TRMT11: variants seen among roughly 807,000 people sequenced by gnomAD.
The protein encoded by TRMT11 is tRNA methyltransferase 11, also known as tRNA (guanine(10)-N(2))-methyltransferase TRMT11.
Under a neutral mutation model 62.8 loss-of-function variants are expected in TRMT11, and 53 were observed. The observed-to-expected ratio is 0.84, with a 90% CI of 0.68 to 1.06. TRMT11 has a LOEUF of 1.06. Among genes scored for constraint, TRMT11 ranks in the 50% least tolerant of loss-of-function variants. The pLI is 0.00. For missense variants in TRMT11, 556 were observed against 553.4 expected, an observed-to-expected ratio of 1.00 and a Z score of -0.05; for synonymous variants, 188 against 190.3, an observed-to-expected ratio of 0.99 and a Z score of 0.10.
intron 17 of TRMT11, among the ~76,000 whole-genome samples, chr6:126,101,332 C>A (rs533802775): frequency 1.3e-5 from 2 of 152,106 alleles, no homozygotes; most frequent in African/African-American, 4.8e-5. Flanking sequence ...ATATATATTC[C>A]ACTTGCAAAA....
At chr6:126,042,551 TG>T (rs997911407), downstream of TRMT11, among the ~76,000 whole-genome samples, 2 of 152,346 alleles carry the variant, frequency 1.3e-5, no homozygotes, top group African/African-American at 4.8e-5. Flanking sequence ...AGTATATTTT[TG>T]TTTTAAAATT....
At chr6:126,174,485 T>C (rs766538653), upstream of TRMT11, among the ~76,000 whole-genome samples, 1 of 152,222 alleles carries the variant, frequency 6.6e-6, no homozygotes, top group African/African-American at 2.4e-5. Flanking sequence ...AAAATGTTGA[T>C]GCTTCTCTCA....
intron 16 of TRMT11, among the ~76,000 whole-genome samples, chr6:126,051,634 A>G (rs1776221187): frequency 6.6e-6 from 1 of 152,136 alleles, no homozygotes; most frequent in Non-Finnish European, 1.5e-5. Context: ...CAATGGAGAA[A>G]TATTTAGAAG....
chr6:126,209,682 CAT>C, the TRMT11 span, among the ~76,000 whole-genome samples: 7 of 151,986 alleles, frequency 4.6e-5, no homozygotes, highest in African/African-American at 7.3e-5. Flanking sequence ...GCTGAGATCG[CAT>C]GCCACCGCAC....
intron 21 of TRMT11, among the ~76,000 whole-genome samples, chr6:126,122,719 T>G (rs530018746): frequency 6.6e-6 from 1 of 152,270 alleles, no homozygotes; most frequent in African/African-American, 2.4e-5. Context: ...TTGTTGAATC[T>G]AAGCATAAAA....
chr6:126,215,513 T>G, the TRMT11 span, among the ~76,000 whole-genome samples: 1 of 152,068 alleles, frequency 6.6e-6, no homozygotes, highest in Non-Finnish European at 1.5e-5. Context: ...TGACTCATAA[T>G]CTTTTTTGTT....
chr6:126,007,721 T>G (rs1262851287), intron 7 of TRMT11, among the ~76,000 whole-genome samples: 1 of 151,990 alleles, frequency 6.6e-6, no homozygotes, highest in East Asian at 1.9e-4. Context: ...TCAGATTGTA[T>G]TGGGACAGTT....
chr6:126,139,686 T>C (rs570780720), intron 21 of TRMT11, among the ~76,000 whole-genome samples: 1 of 152,250 alleles, frequency 6.6e-6, no homozygotes, highest in East Asian at 1.9e-4. Flanking sequence ...CAAATATTTA[T>C]GGCCACATAC....
chr6:126,114,258 G>A (rs1288722702), intron 18 of TRMT11, among the ~76,000 whole-genome samples: 1 of 152,058 alleles, frequency 6.6e-6, no homozygotes, highest in Admixed American at 6.6e-5. Flanking sequence ...TTCTAGACAA[G>A]CTTATCTAGG....
chr6:126,067,689 G>A (rs187089129), intron 17 of TRMT11, among the ~76,000 whole-genome samples: 154 of 152,108 alleles, frequency 1.0e-3, no homozygotes, highest in African/African-American at 3.4e-3. Flanking sequence ...CATTTGGTTG[G>A]GTTGATACCT....
the TRMT11 span, among the ~76,000 whole-genome samples, chr6:126,268,875 T>G: frequency 6.6e-6 from 1 of 151,956 alleles, no homozygotes; most frequent in Non-Finnish European, 1.5e-5. Flanking sequence ...GCAGAGAACA[T>G]AGAGAAGAAA....
downstream of TRMT11, among the ~76,000 whole-genome samples, chr6:126,041,724 A>G (rs1775885141): frequency 6.6e-6 from 1 of 152,202 alleles, no homozygotes. Flanking sequence ...TCATTAATGC[A>G]TTGCAGTGGT....
chr6:126,151,939 C>CTTTT (rs1562334985), intron 21 of TRMT11, among the ~76,000 whole-genome samples: 1 of 87,074 alleles, frequency 1.1e-5, no homozygotes. Context: ...TTCTTTCTTT[C>CTTTT]TTTCTTTTCT....
chr6:126,051,630 A>G (rs1776221016), intron 16 of TRMT11, among the ~76,000 whole-genome samples: 1 of 152,142 alleles, frequency 6.6e-6, no homozygotes, highest in Admixed American at 6.5e-5. Context: ...GATTCAATGG[A>G]GAAATATTTA....
intron 2 of TRMT11, among the ~76,000 whole-genome samples, chr6:125,994,139 T>G (rs1791064350): frequency 6.6e-6 from 1 of 152,222 alleles, no homozygotes; most frequent in Non-Finnish European, 1.5e-5. Context: ...AATGTTGGGC[T>G]CGTGTTGAGA....
the TRMT11 span, chr6:126,258,154 G>A: frequency 2.6e-6 from 2 of 757,760 alleles, no homozygotes; most frequent in Non-Finnish European, 2.4e-6. Context: ...CACTCCTCCA[G>A]GTTGAGGCAC....
At chr6:126,020,554 C>G (rs2127987352) in intron 11 of TRMT11, among the ~76,000 whole-genome samples, 1 of 152,268 alleles carries the variant, frequency 6.6e-6, no homozygotes, top group Non-Finnish European at 1.5e-5. Flanking sequence ...CATTTTGTTT[C>G]CTGGTTCATA....
chr6:126,052,145 G>A (rs1776238138), intron 16 of TRMT11, among the ~76,000 whole-genome samples: 1 of 152,160 alleles, frequency 6.6e-6, no homozygotes, highest in African/African-American at 2.4e-5. Context: ...GAATAACACT[G>A]GCTTTGGGTG....
chr6:126,089,921 A>G (rs146868936), intron 17 of TRMT11, among the ~76,000 whole-genome samples: 264 of 152,348 alleles, frequency 1.7e-3, no homozygotes, highest in African/African-American at 6.2e-3. Context: ...CTACATTAAT[A>G]CAACTACCTT....
Sources: gnomAD v4.1 joint callset for allele counts (sites outside exome capture counted in the v4.1 genomes callset) on GRCh38, gnomAD v4.1.1 for gene constraint, MANE v1.5 for transcripts, NCBI Gene and HGNC (gene_info 2026-07-23, HGNC 2026-07-21) for gene names.